Variants in JAK2 observed in about 807,000 individuals in gnomAD.
JAK2 encodes the protein tyrosine-protein kinase JAK2.
Under a neutral mutation model 139.3 loss-of-function variants are expected in JAK2, and 86 were observed. The ratio of observed to expected loss-of-function variants is 0.62; its 90% CI spans 0.52 to 0.74. The LOEUF is 0.74. Among genes scored for constraint, JAK2 ranks in the 30% least tolerant of loss-of-function variants. The probability of loss-of-function intolerance (pLI) is 0.00; values close to 1 mark genes in which losing one functional copy is unlikely to be tolerated. For synonymous variants in JAK2, 490 were observed against 437.7 expected (o/e 1.12, Z -1.49); for missense variants, 1,421 against 1,360.3 (o/e 1.04, Z -0.70).
chr9:5,112,807 C>T (rs993563676), intron 22 of JAK2: 2 of 548,770 alleles, frequency 3.6e-6, no homozygotes, highest in South Asian at 5.2e-5. Context: ...CAGCTGCCCA[C>T]CTGGGCTTGA....
rs531374595 is a variant in JAK2 at position 5,113,191 on chromosome 9, C to CT, written c.3060-9785dup. Among the ~76,000 whole-genome samples the CT allele has an allele frequency of 7.1e-3, 404 of 57,188 alleles. 13 individuals are homozygous for CT. Among genetic ancestry groups the CT allele is most frequent in the East Asian group, 0.02 (33 of 1,634 alleles). The allele number at this position is 57,188 out of a possible 152,430, so 37.5% of individuals were successfully genotyped here. A position where few individuals can be genotyped will look rare whatever the true frequency, so the allele number is the denominator to read the frequency against. ...GCCCTGTTGTCTGGGCTGGCAGGAGCTTTTTTTTTTTTTTTTTTTTTTTTT... is the reference window on the plus strand; with the variant it reads ...GCCCTGTTGTCTGGGCTGGCAGGAGCTTTTTTTTTTTTTTTTTTTTTTTTTT... On this transcript the variant is annotated intron_variant, in intron 22 of 24. Transcript: ENST00000381652.
In JAK2 at chr9:5,128,717, C is replaced by T. The variant is rs1824159821; in HGVS notation, c.*1926C>T. 6.6e-6 allele frequency among the ~76,000 whole-genome samples: 1 copy of T among 151,984 alleles called. No homozygotes were observed. The highest frequency in any genetic ancestry group is 6.5e-5 in the Admixed American group (1 of 15,268). On this transcript the variant is annotated 3_prime_UTR_variant, in exon 25 of 25. Coordinates refer to ENST00000381652, the MANE Select transcript of JAK2 (RefSeq NM_004972.4). ...TATAAAATTCCAAGTTTCCAAGAGACTTCTTTTCATTGAGGCTTCGTAAAG... is the reference window on the plus strand; with the variant it reads ...TATAAAATTCCAAGTTTCCAAGAGATTTCTTTTCATTGAGGCTTCGTAAAG...
intron 3 of JAK2, among the ~76,000 whole-genome samples, chr9:5,024,532 C>A (rs1458182147): frequency 6.6e-6 from 1 of 152,014 alleles, no homozygotes; most frequent in Admixed American, 6.6e-5. Flanking sequence ...AGGGTCTTTT[C>A]TTCTAAGTTC....
At chr9:5,101,083 C>T (rs966205900) in intron 22 of JAK2, 16 of 152,240 alleles carry the variant, frequency 1.1e-4, no homozygotes, top group African/African-American at 3.6e-4. Flanking sequence ...GGGGCATCAC[C>T]TCACCCAGGA....
intron 22 of JAK2, chr9:5,114,383 C>A: frequency 3.8e-6 from 2 of 522,948 alleles, no homozygotes; most frequent in Admixed American, 4.5e-5. Flanking sequence ...CCATCACGTC[C>A]ACCCTGCTGG....
intron 22 of JAK2, among the ~76,000 whole-genome samples, chr9:5,091,981 G>A (rs574993515): frequency 1.6e-4 from 24 of 152,040 alleles, no homozygotes; most frequent in Non-Finnish European, 2.5e-4. Flanking sequence ...TGAGGAATCC[G>A]GCGAAGATAC....
chr9:5,069,014 T>C lies in JAK2; in HGVS notation c.1327-8T>C, dbSNP rs1586734715. 6.5e-7 allele frequency: 1 copy of C among 1,532,596 alleles called. No homozygotes were observed. 94.9% of individuals were successfully genotyped at this position (1,532,596 alleles called of 1,614,324 possible). A position where few individuals can be genotyped will look rare whatever the true frequency, so the allele number is the denominator to read the frequency against. The stretch of plus-strand genomic sequence containing the variant: ...TCCCTCCCTTTCTTTATAATTAAAC[T>C]TATACAGCGAGAAAATGTCATTGAA... On this transcript the variant is annotated splice_polypyrimidine_tract_variant and splice_region_variant and intron_variant, in intron 10 of 24. Transcript: ENST00000381652.
chr9:5,126,386 T>G lies in JAK2; in HGVS notation c.3231T>G (p.His1077Gln). The change falls in exon 24 of 25, where the codon CAT becomes CAG. Residue 1077 changes from histidine (H) to glutamine (Q), a missense_variant. His to Gln is a conservative substitution (Grantham distance 24). Coordinates refer to ENST00000381652, the MANE Select transcript of JAK2 (RefSeq NM_004972.4). ...NDKQGQMIVF[H>Q]LIELLKNNGR... Reference sequence around the variant, plus strand: ...AACAAGGACAGATGATCGTGTTCCATTTGATAGAACTTTTGAAGAATAATG... The same window carrying G: ...AACAAGGACAGATGATCGTGTTCCAGTTGATAGAACTTTTGAAGAATAATG... 1 of 1,611,106 alleles carries G rather than the reference T, an allele frequency of 6.2e-7. No homozygotes were observed. Among genetic ancestry groups the G allele is most frequent in the Non-Finnish European group, 8.5e-7 (1 of 1,178,144 alleles).
chr9:5,027,729 C>T (rs1352126668), intron 3 of JAK2, among the ~76,000 whole-genome samples: 2 of 152,216 alleles, frequency 1.3e-5, no homozygotes, highest in African/African-American at 4.8e-5. Context: ...GTTGTCATTT[C>T]AACAATATTC....
At chr9:5,057,238 T>C (rs1280685551) in intron 8 of JAK2, among the ~76,000 whole-genome samples, 1 of 151,272 alleles carries the variant, frequency 6.6e-6, no homozygotes, top group Non-Finnish European at 1.5e-5. Context: ...ATACTTCTTC[T>C]CTGTGTATTT....
chr9:5,021,833 A>G, intron 2 of JAK2, 130 bp from the exon 3 acceptor site: 2 of 600,348 alleles, frequency 3.3e-6, no homozygotes, highest in East Asian at 2.8e-5. Context: ...AGGTTTCACC[A>G]TGTTGCTGAG....
intron 22 of JAK2, among the ~76,000 whole-genome samples, chr9:5,091,960 A>G (rs938897103): frequency 6.6e-5 from 10 of 152,016 alleles, no homozygotes; most frequent in Non-Finnish European, 1.3e-4. Flanking sequence ...TAGGGATAAT[A>G]CTGTTAGTGA....
chr9:5,030,373 GT>G (rs1236231691), intron 4 of JAK2, among the ~76,000 whole-genome samples: 1 of 152,102 alleles, frequency 6.6e-6, no homozygotes, highest in Non-Finnish European at 1.5e-5. Flanking sequence ...ATGGTAATGT[GT>G]AATGCCTATT....
chr9:5,068,933 C>G (rs1818755262), intron 10 of JAK2, 89 bp from the exon 11 acceptor site: 3 of 726,160 alleles, frequency 4.1e-6, no homozygotes, highest in African/African-American at 1.8e-5. Flanking sequence ...TATTCTGTTG[C>G]TTGTTCTTGT....
Position 5,075,069 on chromosome 9 carries a change from C to G in JAK2, c.1864+1284C>G, listed in dbSNP as rs113154847. The stretch of plus-strand genomic sequence containing the variant: ...CCTTGAGCCAAAGCCCAATCTAGAG[C>G]AAGATCTTAATGCTCTTAAATTCTA... On this transcript the variant is annotated intron_variant, in intron 14 of 24. Transcript: ENST00000381652. Among the ~76,000 whole-genome samples the G allele has an allele frequency of 8.9e-4, 136 of 152,062 alleles. 1 individual carries two copies. The highest frequency in any genetic ancestry group is 3.0e-3 in the African/African-American group (126 of 41,352).
At chr9:5,020,785 C>G (rs553153317) in intron 2 of JAK2, among the ~76,000 whole-genome samples, 5 of 152,020 alleles carry the variant, frequency 3.3e-5, no homozygotes, top group African/African-American at 1.2e-4. Context: ...GTCCCAGAGG[C>G]GGCAGCCAGC....
chr9:4,993,651 C>G (rs2129745069), intron 2 of JAK2, among the ~76,000 whole-genome samples: 1 of 152,338 alleles, frequency 6.6e-6, no homozygotes, highest in African/African-American at 2.4e-5. Context: ...GAAGTCCTCA[C>G]TGACAGTCTC....
chr9:5,052,371 G>C (rs1817475578), intron 6 of JAK2, among the ~76,000 whole-genome samples: 1 of 151,824 alleles, frequency 6.6e-6, no homozygotes, highest in African/African-American at 2.4e-5. Flanking sequence ...CATGCTCTTA[G>C]CCAGGATATA....
chr9:5,097,848 T>C (rs1229427601), intron 22 of JAK2: 2 of 152,332 alleles, frequency 1.3e-5, no homozygotes, highest in African/African-American at 4.8e-5. Flanking sequence ...TTACCACTGG[T>C]TCCCCCATTC....
Sources: gnomAD v4.1 joint callset for allele counts (sites outside exome capture counted in the v4.1 genomes callset) on GRCh38, gnomAD v4.1.1 for gene constraint, MANE v1.5 for transcripts, NCBI Gene and HGNC (gene_info 2026-07-23, HGNC 2026-07-21) for gene names.